The following RBFOX1 variants were observed in gnomAD, a reference collection of about 807,000 sequenced individuals.
RBFOX1 encodes RNA binding fox-1 homolog 1.
Under a neutral mutation model 57.7 loss-of-function variants are expected in RBFOX1, and 8 were observed. The observed-to-expected ratio is 0.14, with a 90% CI of 0.08 to 0.25. The LOEUF is 0.25. RBFOX1 is among the 10% of genes least tolerant of loss of function. The pLI is 1.00. For synonymous variants in RBFOX1, 326 were observed against 222.4 expected, an observed-to-expected ratio of 1.47 and a Z score of -4.15; for missense variants, 611 against 548.5, an observed-to-expected ratio of 1.11 and a Z score of -1.14.
chr16:6,851,194 A>G (rs2094041689), intron 3 of RBFOX1, among the ~76,000 whole-genome samples: 1 of 152,224 alleles, frequency 6.6e-6, no homozygotes, highest in African/African-American at 2.4e-5. Flanking sequence ...GGTTACATAC[A>G]AAATGATACC....
At chr16:5,726,918 C>T (rs1339262656) in intron 3 of RBFOX1, among the ~76,000 whole-genome samples, 1 of 152,086 alleles carries the variant, frequency 6.6e-6, no homozygotes, top group Non-Finnish European at 1.5e-5. Context: ...TGTGACTTTC[C>T]TGAGGCCATA....
At chr16:7,620,338 A>C (rs2059120640) in intron 10 of RBFOX1, among the ~76,000 whole-genome samples, 1 of 152,208 alleles carries the variant, frequency 6.6e-6, no homozygotes, top group South Asian at 2.1e-4. Context: ...GTTTTACCCA[A>C]AGTCAACTCA....
intron 4 of RBFOX1, among the ~76,000 whole-genome samples, chr16:7,079,194 C>T (rs1226723707): frequency 1.3e-5 from 2 of 152,054 alleles, no homozygotes; most frequent in African/African-American, 2.4e-5. Flanking sequence ...ATCTCTGCAC[C>T]ATCCAGGCGC....
intron 4 of RBFOX1, among the ~76,000 whole-genome samples, chr16:7,343,462 C>T (rs994490439): frequency 1.3e-5 from 2 of 152,102 alleles, no homozygotes; most frequent in Non-Finnish European, 2.9e-5. Context: ...AGTACAAGGG[C>T]TTTGTTGAGG....
intron 4 of RBFOX1, among the ~76,000 whole-genome samples, chr16:7,515,945 A>C (rs1161671760): frequency 6.6e-6 from 1 of 152,090 alleles, no homozygotes; most frequent in Non-Finnish European, 1.5e-5. Context: ...CCCACATTCA[A>C]GTGGTTCTCC....
intron 3 of RBFOX1, among the ~76,000 whole-genome samples, chr16:6,725,922 C>G (rs2154168784): frequency 1.3e-5 from 2 of 152,206 alleles, no homozygotes; most frequent in Middle Eastern, 6.8e-3. Flanking sequence ...TCCCCTGTAT[C>G]TGATGATAAA....
chr16:6,672,512 G>A (rs2098772802), intron 3 of RBFOX1, among the ~76,000 whole-genome samples: 1 of 150,282 alleles, frequency 6.7e-6, no homozygotes, highest in African/African-American at 2.5e-5. Flanking sequence ...AAGGAAGGAA[G>A]ATGGGAGAAA....
intron 4 of RBFOX1, among the ~76,000 whole-genome samples, chr16:5,965,503 G>T (rs1216675803): frequency 6.6e-6 from 1 of 152,090 alleles, no homozygotes; most frequent in African/African-American, 2.4e-5. Context: ...TTCAACTCAG[G>T]CAGAACTAAA....
At chr16:7,313,855 G>T (rs998659435) in intron 4 of RBFOX1, among the ~76,000 whole-genome samples, 1 of 152,066 alleles carries the variant, frequency 6.6e-6, no homozygotes, top group Non-Finnish European at 1.5e-5. Context: ...CCATCCCTAT[G>T]TCCTCCTCCT....
chr16:7,363,477 C>T (rs1312966785), intron 4 of RBFOX1, among the ~76,000 whole-genome samples: 1 of 147,868 alleles, frequency 6.8e-6, no homozygotes, highest in East Asian at 2.1e-4. Flanking sequence ...TCCGAGGTCA[C>T]CCCTGGAGCT....
intron 3 of RBFOX1, among the ~76,000 whole-genome samples, chr16:5,860,115 C>G (rs995728879): frequency 3.9e-5 from 6 of 152,186 alleles, no homozygotes; most frequent in African/African-American, 1.4e-4. Flanking sequence ...TGGAGTCTCA[C>G]TCTGTCGCCC....
At chr16:5,961,492 C>A (rs76306644) in intron 4 of RBFOX1, among the ~76,000 whole-genome samples, 18 of 145,636 alleles carry the variant, frequency 1.2e-4, no homozygotes, top group African/African-American at 2.4e-4. Context: ...AAAAACAAAA[C>A]AAAACAAAAC....
intron 4 of RBFOX1, among the ~76,000 whole-genome samples, chr16:7,059,367 C>G (rs1282557454): frequency 2.6e-5 from 4 of 152,164 alleles, no homozygotes; most frequent in African/African-American, 9.7e-5. Flanking sequence ...GTAGAAATGC[C>G]TGCTTCTGTT....
intron 3 of RBFOX1, among the ~76,000 whole-genome samples, chr16:6,812,532 C>T (rs2088964186): frequency 6.6e-6 from 1 of 151,984 alleles, no homozygotes; most frequent in South Asian, 2.1e-4. Context: ...TGACACCACG[C>T]CCAGCTAATT....
chr16:5,541,578 T>A (rs2044953995), intron 2 of RBFOX1, among the ~76,000 whole-genome samples: 1 of 152,050 alleles, frequency 6.6e-6, no homozygotes, highest in Non-Finnish European at 1.5e-5. Context: ...CCAAAGGAGG[T>A]AATCAGATAT....
intron 13 of RBFOX1, chr16:7,671,471 T>G: frequency 2.3e-6 from 3 of 1,285,646 alleles, no homozygotes; most frequent in Non-Finnish European, 3.3e-6. Context: ...TGTAAATGAA[T>G]TGCTCTGGAA....
At chr16:5,935,865 C>A (rs921528231) in intron 4 of RBFOX1, among the ~76,000 whole-genome samples, 1 of 152,008 alleles carries the variant, frequency 6.6e-6, no homozygotes, top group African/African-American at 2.4e-5. Context: ...CATTGGATAT[C>A]CTGGTTGTTG....
chr16:6,429,553 A>T (rs754589410), intron 2 of RBFOX1, among the ~76,000 whole-genome samples: 4 of 152,074 alleles, frequency 2.6e-5, no homozygotes, highest in African/African-American at 9.7e-5. Flanking sequence ...ATGCCTGCTG[A>T]TATGGTTTGG....
At chr16:6,044,421 A>G (rs1232856090) in intron 1 of RBFOX1, among the ~76,000 whole-genome samples, 3 of 151,864 alleles carry the variant, frequency 2.0e-5, no homozygotes, top group Non-Finnish European at 4.4e-5. Context: ...ATTCAAGAAC[A>G]CTGCCCCTTC....
Sources: gnomAD v4.1 joint callset for allele counts (sites outside exome capture counted in the v4.1 genomes callset) on GRCh38, gnomAD v4.1.1 for gene constraint, MANE v1.5 for transcripts, NCBI Gene and HGNC (gene_info 2026-07-23, HGNC 2026-07-21) for gene names.